Variants in WFDC3 observed in about 807,000 individuals in gnomAD.
WFDC3 encodes WAP four-disulfide core domain protein 3.
WFDC3 carries 15 observed loss-of-function variants against 25.8 expected under a neutral mutation model. The observed-to-expected ratio is 0.58, with a 90% CI of 0.39 to 0.89. The LOEUF (loss-of-function observed/expected upper bound fraction) is 0.89. Ranked by LOEUF, WFDC3 falls within the 40% of genes least tolerant of loss-of-function variation. The probability of loss-of-function intolerance (pLI) is 0.00; values close to 1 mark genes in which losing one functional copy is unlikely to be tolerated. For synonymous variants in WFDC3, 103 were observed against 107.1 expected, an observed-to-expected ratio of 0.96 and a Z score of 0.24; for missense variants, 264 against 289.8, an observed-to-expected ratio of 0.91 and a Z score of 0.65.
At chr20:45,783,658 C>T (rs1350395505) in intron 4 of WFDC3, among the ~76,000 whole-genome samples, 1 of 151,944 alleles carries the variant, frequency 6.6e-6, no homozygotes, top group Non-Finnish European at 1.5e-5. Context: ...CAGACTAGAA[C>T]AGTGTCATGA....
chr20:45,786,201 C>A (rs370310948), intron 4 of WFDC3, among the ~76,000 whole-genome samples: 1 of 152,140 alleles, frequency 6.6e-6, no homozygotes, highest in South Asian at 2.1e-4. Context: ...ACCAACCCAG[C>A]CAACATGGTG....
chr20:45,774,850 G>A (rs1163900809), intron 6 of WFDC3, among the ~76,000 whole-genome samples: 1 of 151,288 alleles, frequency 6.6e-6, no homozygotes, highest in East Asian at 1.9e-4. Context: ...GCTGAGGCAG[G>A]AGAATTGCTT....
intron 4 of WFDC3, among the ~76,000 whole-genome samples, chr20:45,785,749 T>C (rs991501169): frequency 3.9e-5 from 6 of 152,088 alleles, no homozygotes; most frequent in Non-Finnish European, 8.8e-5. Flanking sequence ...ATTTCTAATA[T>C]GTTTTAGGGG....
Position 45,787,986 on chromosome 20 carries a change from T to C in WFDC3, c.212-4A>G, listed in dbSNP as rs764867178. ...CTAGGGCAATCTCTTTTCCTCCCTG[T>C]AGCAAAAAGGGAGACAGCAAAGAAA... is the stretch of plus-strand genomic sequence containing the variant. On this transcript the variant is annotated splice_region_variant and splice_polypyrimidine_tract_variant and intron_variant, in intron 3 of 6. Transcript: ENST00000243938. The C allele has an allele frequency of 4.3e-6, 7 of 1,609,654 alleles. No individual in the cohort carries two copies. The highest frequency in any genetic ancestry group is 2.2e-5 in the East Asian group (1 of 44,796).
chr20:45,788,050 T>C, intron 3 of WFDC3, 68 bp from the exon 4 acceptor site: 1 of 1,520,522 alleles, frequency 6.6e-7, no homozygotes, highest in Non-Finnish European at 8.8e-7. Flanking sequence ...ACACCTGTAA[T>C]CCCAGCACTT....
Position 45,777,055 on chromosome 20 carries a change from T to G in WFDC3, c.493+20A>C, listed in dbSNP as rs1980218881. 6.2e-7 allele frequency: 1 copy of G among 1,611,766 alleles called. No homozygotes were observed. The highest frequency in any genetic ancestry group is 2.2e-5 in the East Asian group (1 of 44,788). ...TCTCAGGAAACACTCAAGGATTTCT[T>G]CCCAAAAGAGCCAACATACCTCCCT... On this transcript the variant is annotated intron_variant, in intron 5 of 6. Transcript: ENST00000243938.
At chr20:45,790,188 G>T in intron 1 of WFDC3, 1 of 505,822 alleles carries the variant, frequency 2.0e-6, no homozygotes, top group South Asian at 2.5e-5. Flanking sequence ...ACTACCAAAG[G>T]GGACCTGTGA....
intron 5 of WFDC3, among the ~76,000 whole-genome samples, chr20:45,776,546 C>T (rs1010745728): frequency 8.1e-5 from 11 of 135,584 alleles, no homozygotes; most frequent in African/African-American, 3.1e-4. Flanking sequence ...TTCAGTGAGC[C>T]AAGATCACGC....
At chr20:45,778,185 C>G (rs2145682740) in intron 4 of WFDC3, among the ~76,000 whole-genome samples, 1 of 152,344 alleles carries the variant, frequency 6.6e-6, no homozygotes, top group Non-Finnish European at 1.5e-5. Flanking sequence ...TTGAACTACG[C>G]TATGGGATGA....
At chr20:45,780,492 T>C (rs944939997) in intron 4 of WFDC3, among the ~76,000 whole-genome samples, 4 of 152,186 alleles carry the variant, frequency 2.6e-5, no homozygotes, top group East Asian at 3.9e-4. Flanking sequence ...TCTTTCACGA[T>C]CCTGGCTTTG....
chr20:45,784,822 CTT>C (rs1348503989), intron 4 of WFDC3, among the ~76,000 whole-genome samples: 1 of 152,182 alleles, frequency 6.6e-6, no homozygotes, highest in African/African-American at 2.4e-5. Context: ...GGGCAAAACA[CTT>C]TACATAATTT....
At chr20:45,790,467 C>T (rs1980905914) in intron 1 of WFDC3, among the ~76,000 whole-genome samples, 1 of 152,170 alleles carries the variant, frequency 6.6e-6, no homozygotes. Context: ...TGGAACAGAC[C>T]ACTCAGAAAC....
At chr20:45,787,776 A>G in intron 4 of WFDC3, 60 bp downstream of exon 4, 1 of 1,544,534 alleles carries the variant, frequency 6.5e-7, no homozygotes, top group Non-Finnish European at 8.7e-7. Flanking sequence ...ATATGTGCAT[A>G]TTTGAGAAAT....
rs1381211557 is a variant in WFDC3, at chr20:45,775,404, G to A, written c.679+13C>T. On this transcript the variant is annotated intron_variant, in intron 6 of 6. Coordinates refer to ENST00000243938, the MANE Select transcript of WFDC3 (RefSeq NM_080614.2). ...GTTGTCTGTTATTGTTGATGACAATGGACTGTACTCACCTAATTCGGAATC... is the reference window on the plus strand; with the variant it reads ...GTTGTCTGTTATTGTTGATGACAATAGACTGTACTCACCTAATTCGGAATC... The A allele has an allele frequency of 6.2e-7, 1 of 1,613,194 alleles. No homozygotes were observed. Among genetic ancestry groups the A allele is most frequent in the Non-Finnish European group, 8.5e-7 (1 of 1,179,338 alleles).
intron 4 of WFDC3, among the ~76,000 whole-genome samples, chr20:45,777,465 C>T (rs555048084): frequency 6.6e-6 from 1 of 152,308 alleles, no homozygotes; most frequent in Non-Finnish European, 1.5e-5. Context: ...ATCCTCCCAC[C>T]TCAGCCTCCT....
At chr20:45,790,040 T>A (rs1418121038) in intron 1 of WFDC3, 58 bp from the exon 2 acceptor site, 3 of 1,417,492 alleles carry the variant, frequency 2.1e-6, no homozygotes, top group East Asian at 4.6e-5. Flanking sequence ...GCCCAGAGTA[T>A]CAGCTGAGGT....
chr20:45,781,878 C>T (rs1601013848), intron 4 of WFDC3, among the ~76,000 whole-genome samples: 1 of 152,198 alleles, frequency 6.6e-6, no homozygotes, highest in Admixed American at 6.5e-5. Context: ...CAGCCAAGGC[C>T]CAGCCTTGCC....
At chr20:45,776,928 C>T in intron 5 of WFDC3, 147 bp downstream of exon 5, 1 of 1,277,858 alleles carries the variant, frequency 7.8e-7, no homozygotes. Context: ...GTCGACAGGG[C>T]CCCTCGGCCC....
At chr20:45,778,987 T>C (rs1341811498) in intron 4 of WFDC3, among the ~76,000 whole-genome samples, 1 of 152,236 alleles carries the variant, frequency 6.6e-6, no homozygotes, top group African/African-American at 2.4e-5. Context: ...AATTTTCTGT[T>C]GTGTGCAGCC....
Sources: allele counts gnomAD v4.1 joint callset (sites outside exome capture counted in the v4.1 genomes callset), GRCh38; gene constraint gnomAD v4.1.1; transcripts MANE v1.5; gene names NCBI Gene and HGNC (gene_info 2026-07-23, HGNC 2026-07-21).